Variants in IGFL2 observed in about 807,000 individuals in gnomAD.
IGFL2 encodes the protein IGF like family member 2.
In IGFL2, 7 loss-of-function variants were observed where a neutral mutation model predicts 13.9. The observed-to-expected ratio is 0.51, with a 90% CI of 0.29 to 0.95. The LOEUF (loss-of-function observed/expected upper bound fraction) is 0.95, where lower values mean the gene tolerates loss of function less well. Among genes scored for constraint, IGFL2 ranks in the 40% least tolerant of loss-of-function variants. The pLI is 0.08. For synonymous variants in IGFL2, 55 were observed against 55.8 expected (o/e 0.99, Z 0.07); for missense variants, 138 against 147.8 (o/e 0.93, Z 0.34).
chr19:46,201,892 C>G, the IGFL2 span, among the ~76,000 whole-genome samples: 612 of 138,562 alleles, frequency 4.4e-3, 4 homozygotes, highest in African/African-American at 0.013. Flanking sequence ...CCAGCCACCT[C>G]TCTAAGAGGA....
chr19:46,125,419 A>G, the IGFL2 span, among the ~76,000 whole-genome samples: 1 of 152,190 alleles, frequency 6.6e-6, no homozygotes, highest in African/African-American at 2.4e-5. Flanking sequence ...AGGTGTGCAG[A>G]CAGAGGGAAG....
upstream of IGFL2, among the ~76,000 whole-genome samples, chr19:46,143,787 A>G (rs772903819): frequency 6.6e-6 from 1 of 152,206 alleles, no homozygotes; most frequent in Non-Finnish European, 1.5e-5. Context: ...TGGCTCAGAG[A>G]AAATCAAGAT....
upstream of IGFL2, among the ~76,000 whole-genome samples, chr19:46,141,865 C>T (rs1264547097): frequency 6.6e-6 from 1 of 152,284 alleles, no homozygotes; most frequent in Non-Finnish European, 1.5e-5. Flanking sequence ...CCTAAATTAT[C>T]AAAGATATGC....
the IGFL2 span, chr19:46,208,921 G>A: frequency 6.6e-6 from 1 of 152,120 alleles, no homozygotes; most frequent in African/African-American, 2.4e-5. Context: ...CATTTCTACT[G>A]TATTCTACAG....
At chr19:46,125,340 G>A in the IGFL2 span, among the ~76,000 whole-genome samples, 7 of 152,168 alleles carry the variant, frequency 4.6e-5, no homozygotes, top group East Asian at 1.3e-3. Context: ...CTAAACACCT[G>A]CTTTTCATAA....
chr19:46,172,018 C>A, the IGFL2 span, among the ~76,000 whole-genome samples: 4 of 152,252 alleles, frequency 2.6e-5, no homozygotes, highest in South Asian at 8.3e-4. Flanking sequence ...AGAAACATCC[C>A]TAATTCAAAA....
the IGFL2 span, among the ~76,000 whole-genome samples, chr19:46,134,688 C>T: frequency 1.3e-5 from 2 of 152,186 alleles, no homozygotes; most frequent in African/African-American, 4.8e-5. Context: ...ATCTAATGCT[C>T]CTACTGATCT....
chr19:46,160,035 G>GCACCCCAGTTCTCCACTTGCCAA (rs1324343831), intron 1 of IGFL2: 141 of 273,550 alleles, frequency 5.2e-4, no homozygotes, highest in Non-Finnish European at 1.5e-4. Flanking sequence ...AGACAATCCT[G>GCACCCCAGTTCTCCACTTGCCAA]CACCCCAGTT....
At chr19:46,187,354 G>T in the IGFL2 span, among the ~76,000 whole-genome samples, 1 of 142,352 alleles carries the variant, frequency 7.0e-6, no homozygotes, top group Non-Finnish European at 1.5e-5. Context: ...GCATTAACCC[G>T]TTTAAACCTG....
At chr19:46,102,676 A>G in the IGFL2 span, among the ~76,000 whole-genome samples, 1 of 152,184 alleles carries the variant, frequency 6.6e-6, no homozygotes, top group Non-Finnish European at 1.5e-5. Flanking sequence ...GTGAATCTTA[A>G]GTTGCTTCAG....
the IGFL2 span, among the ~76,000 whole-genome samples, chr19:46,173,370 A>G: frequency 6.6e-6 from 1 of 152,242 alleles, no homozygotes; most frequent in Non-Finnish European, 1.5e-5. Flanking sequence ...ATTATAAAGC[A>G]GACTACCTCT....
At chr19:46,104,438 T>C in the IGFL2 span, among the ~76,000 whole-genome samples, 1 of 152,102 alleles carries the variant, frequency 6.6e-6, no homozygotes, top group Non-Finnish European at 1.5e-5. Context: ...CTTGGGTGAT[T>C]TGACTAATAA....
At chr19:46,128,022 C>T in the IGFL2 span, among the ~76,000 whole-genome samples, 1 of 152,056 alleles carries the variant, frequency 6.6e-6, no homozygotes, top group East Asian at 1.9e-4. Flanking sequence ...TTGTAGTTCT[C>T]CTTGTAGAGA....
intron 1 of IGFL2, among the ~76,000 whole-genome samples, chr19:46,150,310 C>T (rs1445242295): frequency 1.3e-5 from 2 of 152,070 alleles, no homozygotes; most frequent in Non-Finnish European, 2.9e-5. Context: ...AAATACTTTC[C>T]TCATTATGTG....
the IGFL2 span, among the ~76,000 whole-genome samples, chr19:46,177,047 T>G: frequency 8.4e-3 from 1,272 of 152,236 alleles, 14 homozygotes; most frequent in African/African-American, 0.029. Context: ...TCTTCAATCT[T>G]TTTTAGCCCT....
downstream of IGFL2, among the ~76,000 whole-genome samples, chr19:46,163,090 T>C (rs1003817471): frequency 6.6e-6 from 1 of 152,182 alleles, no homozygotes; most frequent in African/African-American, 2.4e-5. Flanking sequence ...ATGTTGACGC[T>C]TTGGGGTGTG....
chr19:46,103,288 C>T, the IGFL2 span, among the ~76,000 whole-genome samples: 5 of 151,884 alleles, frequency 3.3e-5, no homozygotes, highest in South Asian at 2.1e-4. Context: ...GTCAAAGCCT[C>T]GGCGATTTTG....
intron 1 of IGFL2, among the ~76,000 whole-genome samples, chr19:46,153,100 A>G (rs1973596862): frequency 6.6e-6 from 1 of 152,196 alleles, no homozygotes; most frequent in Non-Finnish European, 1.5e-5. Flanking sequence ...TTGAACTTAT[A>G]TTCATAAGAG....
chr19:46,200,506 T>TTTCTTTTCTC, the IGFL2 span, among the ~76,000 whole-genome samples: 2 of 147,360 alleles, frequency 1.4e-5, no homozygotes, highest in African/African-American at 5.2e-5. Flanking sequence ...TTTCTTTTCT[T>TTTCTTTTCTC]TTCTCTTTTC....
Sources: allele counts gnomAD v4.1 joint callset (sites outside exome capture counted in the v4.1 genomes callset), GRCh38; gene constraint gnomAD v4.1.1; transcripts MANE v1.5; gene names NCBI Gene and HGNC (gene_info 2026-07-23, HGNC 2026-07-21).